ZNF534: variants seen among roughly 807,000 people sequenced by gnomAD.
ZNF534 encodes KRAB domain only 3.
ZNF534 carries 19 observed loss-of-function variants against 13.6 expected under a neutral mutation model. The ratio of observed to expected loss-of-function variants is 1.40; its 90% CI spans 0.97 to 2.05. The LOEUF is 2.05. ZNF534 is among the 30% of genes most tolerant of loss of function. ZNF534 has a pLI of 0.00. For missense variants in ZNF534, 782 were observed against 796.3 expected, an observed-to-expected ratio of 0.98 and a Z score of 0.22; for synonymous variants, 244 against 273.8, an observed-to-expected ratio of 0.89 and a Z score of 1.07.
At position 52,439,952 on chromosome 19, in the gene ZNF534, C is replaced by G. The variant is rs1043984378; in HGVS notation, c.*506C>G. On this transcript the variant is annotated 3_prime_UTR_variant, in exon 5 of 5. Coordinates refer to ENST00000433050, the MANE Select transcript of ZNF534 (RefSeq NM_001143938.3). ...CTGAGGTGGCAGGCACTTGTGATCC[C>G]AGCTACTCAGGAGGCTGAGGCAGGA... is the stretch of plus-strand genomic sequence containing the variant. Among the ~76,000 whole-genome samples, 6 of 152,010 alleles carry G rather than the reference C, an allele frequency of 3.9e-5. No homozygotes were observed. Among genetic ancestry groups the G allele is most frequent in the African/African-American group, 1.5e-4 (6 of 41,368 alleles).
chr19:52,433,379 G>GA (rs2059103105), intron 2 of ZNF534, among the ~76,000 whole-genome samples: 1 of 151,336 alleles, frequency 6.6e-6, no homozygotes, highest in African/African-American at 2.4e-5. Flanking sequence ...TTTTTGGGGG[G>GA]GGGAGGGGAC....
chr19:52,436,368 A>T (rs1369004416), intron 4 of ZNF534, among the ~76,000 whole-genome samples: 1 of 152,192 alleles, frequency 6.6e-6, no homozygotes, highest in Non-Finnish European at 1.5e-5. Flanking sequence ...TGATGCTATC[A>T]AACTTTGTCT....
rs1298055895 is a variant in ZNF534, at chr19:52,450,679, TTTTTTGTTTTTGTTTTTG to T, written c.272-502_272-485del. 8.5e-4 allele frequency among the ~76,000 whole-genome samples: 29 copies of T among 34,104 alleles called. 4 individuals are homozygous for T. Among genetic ancestry groups the T allele is most frequent in the Admixed American group, 4.0e-3 (12 of 3,028 alleles). 22.4% of individuals were successfully genotyped at this position (34,104 alleles called of 152,430 possible). Reference sequence around the variant, plus strand: ...CCTATGAATTTTAGGAGTTTTTTTTTTTTTTGTTTTTGTTTTTGTTTTTTTTTTTTAGACAAGGTCTCT... The same window carrying T: ...CCTATGAATTTTAGGAGTTTTTTTTTTTTTTTTTTTTTAGACAAGGTCTCT... On this transcript the variant is annotated intron_variant, in intron 4 of 4. Coordinates refer to the ZNF534 transcript ENST00000301085.
intron 4 of ZNF534, among the ~76,000 whole-genome samples, chr19:52,437,267 C>T (rs1468350276): frequency 1.3e-5 from 2 of 152,138 alleles, no homozygotes; most frequent in East Asian, 3.8e-4. Context: ...ATTCCAGATT[C>T]TTCAGTAAAT....
chr19:52,440,899 C>CTTT lies in ZNF534; in HGVS notation c.*1465_*1467dup, dbSNP rs575100025. Among the ~76,000 whole-genome samples the CTTT allele has an allele frequency of 7.1e-6, 1 of 141,748 alleles. No individual in the cohort carries two copies. The highest frequency in any genetic ancestry group is 7.2e-5 in the Admixed American group (1 of 13,982). The allele number at this position is 141,748 out of a possible 152,430, so 93.0% of individuals were successfully genotyped here. On this transcript the variant is annotated 3_prime_UTR_variant, in exon 5 of 5. Transcript: ENST00000433050. ...TTTGTAATCCATAGTGGAGATAAGT[C>CTTT]TTTTTTTTTTTTTTCCCCCGAAACA...
At chr19:52,451,629 T>G (rs2059217257) in exon 5 of ZNF534, 1 of 646,552 alleles carries the variant, frequency 1.5e-6, no homozygotes, top group Admixed American at 2.4e-5. Context: ...CCACCACCTA[T>G]GGAGAAGGCT....
chr19:52,429,478 T>TC (rs1051266719), intron 1 of ZNF534, among the ~76,000 whole-genome samples: 2 of 149,124 alleles, frequency 1.3e-5, no homozygotes, highest in African/African-American at 5.1e-5. Context: ...ACTTTGCTAT[T>TC]TTTTTTTCAT....
downstream of ZNF534, among the ~76,000 whole-genome samples, chr19:52,442,931 C>T (rs1474251735): frequency 1.3e-5 from 2 of 152,184 alleles, no homozygotes; most frequent in African/African-American, 4.8e-5. Context: ...CCACTCTTTT[C>T]TTGACAAGGA....
chr19:52,440,219 C>T lies in ZNF534; in HGVS notation c.*773C>T, dbSNP rs899462255. ...AAGAATACAAGAAGGTCTTCAGGCACATGTTTTCCCTAACCTCTCATCAAG... is the reference window on the plus strand; with the variant it reads ...AAGAATACAAGAAGGTCTTCAGGCATATGTTTTCCCTAACCTCTCATCAAG... On this transcript the variant is annotated 3_prime_UTR_variant, in exon 5 of 5. Transcript: ENST00000433050. Among the ~76,000 whole-genome samples, 3 of 152,288 alleles carry T rather than the reference C, an allele frequency of 2.0e-5. No individual in the cohort carries two copies. Among genetic ancestry groups the T allele is most frequent in the East Asian group, 1.9e-4 (1 of 5,182 alleles).
chr19:52,445,166 T>C (rs1035093263), downstream of ZNF534, among the ~76,000 whole-genome samples: 4 of 150,960 alleles, frequency 2.6e-5, no homozygotes. Context: ...CCAGAGAGCT[T>C]TTCCCGCTAC....
rs2122707238 is a variant in ZNF534 at position 52,440,573 on chromosome 19, G to A, written c.*1127G>A. Among the ~76,000 whole-genome samples the A allele has an allele frequency of 6.6e-6, 1 of 152,176 alleles. No individual in the cohort carries two copies. The highest frequency in any genetic ancestry group is 2.1e-4 in the South Asian group (1 of 4,814). Reference sequence around the variant, plus strand: ...AGGCAGACGGATCAGTTGAGGTCAGGAGTTTGAGACCAGCCTGACCAATGT... The same window carrying A: ...AGGCAGACGGATCAGTTGAGGTCAGAAGTTTGAGACCAGCCTGACCAATGT... On this transcript the variant is annotated 3_prime_UTR_variant, in exon 5 of 5. Coordinates refer to ENST00000433050, the MANE Select transcript of ZNF534 (RefSeq NM_001143938.3).
chr19:52,438,303 C>A lies in ZNF534; in HGVS notation c.843C>A (p.His281Gln). 1 of 1,605,966 alleles carries A rather than the reference C, an allele frequency of 6.2e-7. No individual in the cohort carries two copies. The highest frequency in any genetic ancestry group is 8.5e-7 in the Non-Finnish European group (1 of 1,173,738). ...NNKECGKVFS[H>Q]HAYLAQHRKI... ...AAGAATGTGGGAAAGTCTTTAGTCA[C>A]CATGCCTACCTTGCACAGCATAGGA... is the stretch of plus-strand genomic sequence containing the variant. The change falls in exon 5 of 5, where the codon CAC (histidine) becomes CAA (glutamine). Residue 281 changes from histidine (H) to glutamine (Q), a missense_variant. This residue lies in a region of ZNF534 where 591 missense variants were observed against 574.0 expected (regional missense o/e 1.03). Coordinates refer to ENST00000433050, the MANE Select transcript of ZNF534 (RefSeq NM_001143938.3).
At position 52,431,293 on chromosome 19, in the gene ZNF534, T is replaced by C. The variant is rs571511849; in HGVS notation, c.-67-115T>C. ...TGATTTTCCTGTGGGAGATCAACAG[T>C]AGGCAGCAGAGGACCATCCTTCCAG... On this transcript the variant is annotated intron_variant, in intron 1 of 4. Transcript: ENST00000433050. The C allele has an allele frequency of 3.0e-4, 223 of 739,904 alleles. 4 individuals are homozygous for C. The South Asian group carries it at 3.8e-3, about 13-fold the overall frequency. The allele number at this position is 739,904 out of a possible 1,614,324, so 45.8% of individuals were successfully genotyped here. A position where few individuals can be genotyped will look rare whatever the true frequency, so the allele number is the denominator to read the frequency against.
At chr19:52,447,613 G>A (rs1005267519) in intron 4 of ZNF534, among the ~76,000 whole-genome samples, 19 of 151,412 alleles carry the variant, frequency 1.3e-4, no homozygotes, top group Non-Finnish European at 1.5e-5. Context: ...GTTTTTTTCT[G>A]CCTCTATTGA....
At chr19:52,430,736 C>T (rs1018232820) in intron 1 of ZNF534, among the ~76,000 whole-genome samples, 8 of 151,558 alleles carry the variant, frequency 5.3e-5, no homozygotes, top group African/African-American at 1.7e-4. Flanking sequence ...TTAGGAGAGA[C>T]GGGGTTTCAC....
downstream of ZNF534, among the ~76,000 whole-genome samples, chr19:52,446,596 G>A (rs908455482): frequency 2.0e-5 from 3 of 152,068 alleles, no homozygotes; most frequent in Non-Finnish European, 4.4e-5. Flanking sequence ...GGTGGCTCGT[G>A]CCTGTAACCC....
At chr19:52,451,796 G>T (rs1003723683) in exon 5 of ZNF534, 2 of 707,252 alleles carry the variant, frequency 2.8e-6, no homozygotes, top group Non-Finnish European at 5.2e-6. Flanking sequence ...TTTAATTTTT[G>T]CAAAGAAAAG....
chr19:52,445,361 TA>T (rs1205876811), downstream of ZNF534, among the ~76,000 whole-genome samples: 1 of 152,144 alleles, frequency 6.6e-6, no homozygotes, highest in African/African-American at 2.4e-5. Flanking sequence ...CATGCCTGGC[TA>T]ATTTTTGTAT....
rs772387632 is a variant in ZNF534, at chr19:52,435,220, A to G, written c.271+11A>G. On this transcript the variant is annotated intron_variant, in intron 4 of 4. Transcript: ENST00000433050. Reference sequence around the variant, plus strand: ...AAGGTGTGAACACAGGTGAGAGCTCAGGTGGGCAGAGTGGAGGCCCCATAA... The same window carrying G: ...AAGGTGTGAACACAGGTGAGAGCTCGGGTGGGCAGAGTGGAGGCCCCATAA... 1.9e-5 allele frequency: 30 copies of G among 1,600,972 alleles called. No homozygotes were observed. The South Asian group carries it at 3.1e-4, about 16-fold the overall frequency.
Sources: gnomAD v4.1 joint callset for allele counts (sites outside exome capture counted in the v4.1 genomes callset) on GRCh38, gnomAD v4.1.1 for gene constraint, gnomAD v4.1.1 regional missense constraint, MANE v1.5 for transcripts, NCBI Gene and HGNC (gene_info 2026-07-23, HGNC 2026-07-21) for gene names.